Variants in LIN54 observed in about 807,000 individuals in gnomAD.
The protein encoded by LIN54 is protein lin-54 homolog.
LIN54 carries 9 observed loss-of-function variants against 78.7 expected under a neutral mutation model. The observed-to-expected ratio is 0.11, with a 90% CI of 0.07 to 0.20. The LOEUF (loss-of-function observed/expected upper bound fraction) is 0.20, where lower values mean the gene tolerates loss of function less well. Among genes scored for constraint, LIN54 ranks in the 10% least tolerant of loss-of-function variants. The probability of loss-of-function intolerance (pLI) is 1.00; values close to 1 mark genes in which losing one functional copy is unlikely to be tolerated. For synonymous variants in LIN54, 269 were observed against 318.4 expected (o/e 0.84, Z 1.65); for missense variants, 573 against 889.9 (o/e 0.64, Z 4.53).
At chr4:83,009,574 C>G (rs1044904970) in intron 1 of LIN54, among the ~76,000 whole-genome samples, 14 of 152,282 alleles carry the variant, frequency 9.2e-5, no homozygotes, top group Non-Finnish European at 1.9e-4. Flanking sequence ...TAACCTAAAA[C>G]TTAACATGGG....
At chr4:82,994,073 C>T (rs1192545918) in intron 1 of LIN54, among the ~76,000 whole-genome samples, 1 of 152,116 alleles carries the variant, frequency 6.6e-6, no homozygotes, top group Admixed American at 6.6e-5. Context: ...TTCTTTTTTA[C>T]AGTAAGCCTT....
chr4:82,953,023 G>A (rs934478486), intron 4 of LIN54, among the ~76,000 whole-genome samples: 4 of 152,214 alleles, frequency 2.6e-5, no homozygotes, highest in Non-Finnish European at 4.4e-5. Flanking sequence ...GGCCCAGCCT[G>A]GACAGCAGTG....
chr4:82,992,317 G>A (rs186062656), intron 1 of LIN54, among the ~76,000 whole-genome samples: 3 of 152,252 alleles, frequency 2.0e-5, no homozygotes, highest in Admixed American at 1.3e-4. Flanking sequence ...CCTCGTAGTG[G>A]TAAACTGTCT....
chr4:82,927,620 A>G lies in LIN54; in HGVS notation c.*482T>C. Reference sequence around the variant, plus strand: ...TAAAAGGCTGCTTTTTCTTTAAAAGATAGTCCTTTTCTAAATACAAAATGT... The same window carrying G: ...TAAAAGGCTGCTTTTTCTTTAAAAGGTAGTCCTTTTCTAAATACAAAATGT... On this transcript the variant is annotated 3_prime_UTR_variant, in exon 13 of 13. Transcript: ENST00000340417. The G allele has an allele frequency of 6.5e-6, 1 of 153,164 alleles. No homozygotes were observed. The highest frequency in any genetic ancestry group is 1.5e-5 in the Non-Finnish European group (1 of 68,416). The allele number at this position is 153,164 out of a possible 1,614,324, so 9.5% of individuals were successfully genotyped here.
intron 1 of LIN54, among the ~76,000 whole-genome samples, chr4:83,004,024 T>C (rs1309877541): frequency 6.6e-6 from 1 of 151,956 alleles, no homozygotes. Flanking sequence ...CCACTTAACC[T>C]GAGATTTAAG....
chr4:82,967,191 A>C (rs1459518634), intron 4 of LIN54, among the ~76,000 whole-genome samples: 2 of 150,902 alleles, frequency 1.3e-5, no homozygotes, highest in Non-Finnish European at 3.0e-5. Flanking sequence ...GCGCCACTGC[A>C]CTCCAGCCTG....
intron 11 of LIN54, among the ~76,000 whole-genome samples, chr4:82,934,283 G>A (rs759969915): frequency 4.4e-4 from 67 of 152,298 alleles, no homozygotes; most frequent in Non-Finnish European, 9.1e-4. Context: ...GCAGGTGCCT[G>A]TAATCCCACC....
chr4:82,946,459 C>T lies in LIN54; in HGVS notation c.967G>A (p.Val323Met). Residue 323 changes from valine to methionine, a missense_variant, in exon 5 of 13, where the codon GTG becomes ATG. Physicochemically the swap from Val to Met is conservative, Grantham distance 21. Transcript: ENST00000340417. The part of the protein sequence containing the change: ...KSPNKAVKST[V>M]QTITVGGVST... ...ACTCCTCCAACAGTGATGGTCTGCA[C>T]AGTTGATTTCACTGCCTATTAAACA... is the stretch of plus-strand genomic sequence containing the variant. 1 of 1,613,152 alleles carries T rather than the reference C, an allele frequency of 6.2e-7. No individual in the cohort carries two copies. Among genetic ancestry groups the T allele is most frequent in the Non-Finnish European group, 8.5e-7 (1 of 1,179,110 alleles).
intron 11 of LIN54, among the ~76,000 whole-genome samples, chr4:82,935,473 A>C (rs1722325674): frequency 6.6e-6 from 1 of 151,746 alleles, no homozygotes; most frequent in South Asian, 2.1e-4. Flanking sequence ...ATTTTAGTAC[A>C]GACGGGGTTT....
chr4:83,003,344 C>T (rs568058140), intron 1 of LIN54: 1 of 152,100 alleles, frequency 6.6e-6, no homozygotes, highest in East Asian at 1.9e-4. Context: ...TAAAATAAAA[C>T]ATCAACAACT....
Position 82,970,444 on chromosome 4 carries a change from G to A in LIN54, c.834C>T (p.Pro278=), listed in dbSNP as rs761144419. Residue 278 remains proline (P), a synonymous_variant, in exon 4 of 13, where the codon CCC becomes CCT. Transcript: ENST00000340417. ...IAGRVLSQST[P]GTPSKTITIS... ...TTGTTATGGTCTTTGATGGAGTTCC[G>A]GGAGTAGACTGTGAAAGAACCCTAC... 11 of 1,611,278 alleles carry A rather than the reference G, an allele frequency of 6.8e-6. No homozygotes were observed. The highest frequency in any genetic ancestry group is 3.4e-5 in the Admixed American group (2 of 59,406).
At chr4:82,998,950 T>C (rs1728500932) in intron 1 of LIN54, among the ~76,000 whole-genome samples, 1 of 152,082 alleles carries the variant, frequency 6.6e-6, no homozygotes, top group South Asian at 2.1e-4. Flanking sequence ...TCATTTGCAG[T>C]GGAGAGAAAT....
chr4:82,990,754 A>C (rs561967098), intron 1 of LIN54, among the ~76,000 whole-genome samples: 1 of 152,240 alleles, frequency 6.6e-6, no homozygotes, highest in South Asian at 2.1e-4. Context: ...AAGTGCTAGG[A>C]TTACAGGCGT....
At chr4:82,988,668 T>C (rs945182410) in intron 1 of LIN54, among the ~76,000 whole-genome samples, 18 of 152,194 alleles carry the variant, frequency 1.2e-4, no homozygotes, top group Non-Finnish European at 2.1e-4. Flanking sequence ...CCTCCAGCAA[T>C]GTATGAGAGT....
Position 82,964,943 on chromosome 4 carries a change from A to G in LIN54, c.951+5384T>C, listed in dbSNP as rs910036349. Among the ~76,000 whole-genome samples, 3 of 152,192 alleles carry G rather than the reference A, an allele frequency of 2.0e-5. No homozygotes were observed. In the South Asian group the frequency reaches 6.2e-4, roughly 32 times the overall value. On this transcript the variant is annotated intron_variant, in intron 4 of 12. Transcript: ENST00000340417. ...AACCCGGGAGGCAGAGGTTGCAGTG[A>G]GCCAAGATCGCGCCACTGCACTCCA...
intron 1 of LIN54, among the ~76,000 whole-genome samples, chr4:82,990,394 C>A (rs1400069060): frequency 6.6e-6 from 1 of 152,158 alleles, no homozygotes; most frequent in Non-Finnish European, 1.5e-5. Context: ...CCCCAAGTCC[C>A]GCAGGGAAGA....
chr4:82,937,724 G>A (rs998455947), intron 8 of LIN54, among the ~76,000 whole-genome samples: 2 of 152,234 alleles, frequency 1.3e-5, no homozygotes, highest in Non-Finnish European at 2.9e-5. Flanking sequence ...ATGGAAGTGG[G>A]ATGTGGACTG....
intron 1 of LIN54, among the ~76,000 whole-genome samples, chr4:83,008,465 A>G (rs958394449): frequency 1.3e-5 from 2 of 152,156 alleles, no homozygotes; most frequent in Non-Finnish European, 2.9e-5. Context: ...CCTGGCTAAC[A>G]TGGTGAAACC....
At chr4:82,998,064 G>GTA (rs68129345) in intron 1 of LIN54, among the ~76,000 whole-genome samples, 6,915 of 128,064 alleles carry the variant, frequency 0.054, 261 homozygotes, top group Non-Finnish European at 0.081. Context: ...ATATATACAC[G>GTA]TATATATATA....
Sources: allele counts gnomAD v4.1 joint callset (sites outside exome capture counted in the v4.1 genomes callset), GRCh38; gene constraint gnomAD v4.1.1; transcripts MANE v1.5; gene names NCBI Gene and HGNC (gene_info 2026-07-23, HGNC 2026-07-21).